Variants in DCC observed in about 807,000 individuals in gnomAD.
DCC encodes the protein DCC netrin 1 receptor.
DCC carries 58 observed loss-of-function variants against 172.5 expected under a neutral mutation model. The ratio of observed to expected loss-of-function variants is 0.34; its 90% CI spans 0.27 to 0.42. The LOEUF (loss-of-function observed/expected upper bound fraction) is 0.42, where lower values mean the gene tolerates loss of function less well. Among genes scored for constraint, DCC ranks in the 10% least tolerant of loss-of-function variants. The pLI is 1.00. For missense variants in DCC, 1,740 were observed against 1,791.0 expected, an observed-to-expected ratio of 0.97 and a Z score of 0.51; for synonymous variants, 709 against 644.5, an observed-to-expected ratio of 1.10 and a Z score of -1.52.
At chr18:52,412,030 A>G (rs1322663986) in intron 1 of DCC, among the ~76,000 whole-genome samples, 1 of 152,124 alleles carries the variant, frequency 6.6e-6, no homozygotes. Flanking sequence ...CAAATCCCAC[A>G]TCTTCCTTAA....
chr18:53,256,440 G>C (rs961768971), intron 12 of DCC, among the ~76,000 whole-genome samples: 32 of 152,088 alleles, frequency 2.1e-4, no homozygotes, highest in African/African-American at 7.5e-4. Flanking sequence ...TGGCCAGCCA[G>C]TTTTCCCAGC....
chr18:53,493,607 G>T (rs1226174486), intron 26 of DCC, among the ~76,000 whole-genome samples: 1 of 152,112 alleles, frequency 6.6e-6, no homozygotes, highest in Non-Finnish European at 1.5e-5. Flanking sequence ...GGGATCAGTG[G>T]TGATATCCCC....
intron 1 of DCC, among the ~76,000 whole-genome samples, chr18:52,566,204 T>C (rs1270739750): frequency 6.6e-6 from 1 of 152,138 alleles, no homozygotes; most frequent in Non-Finnish European, 1.5e-5. Flanking sequence ...GATGAGTCCA[T>C]GTCCTTTGCA....
chr18:52,947,338 G>A (rs1208676030), intron 5 of DCC, among the ~76,000 whole-genome samples: 1 of 152,058 alleles, frequency 6.6e-6, no homozygotes, highest in Non-Finnish European at 1.5e-5. Flanking sequence ...CTATATATTT[G>A]TACTAGTCAA....
chr18:52,543,395 G>A (rs979768781), intron 1 of DCC, among the ~76,000 whole-genome samples: 1 of 151,974 alleles, frequency 6.6e-6, no homozygotes, highest in Non-Finnish European at 1.5e-5. Flanking sequence ...TCTCAATTTG[G>A]GCTAGCAACA....
At chr18:53,330,744 A>G (rs1019295357) in intron 14 of DCC, among the ~76,000 whole-genome samples, 1 of 152,006 alleles carries the variant, frequency 6.6e-6, no homozygotes. Flanking sequence ...ACCCAAGTGT[A>G]TTTTCACATA....
intron 13 of DCC, among the ~76,000 whole-genome samples, chr18:53,309,686 A>T (rs1281896667): frequency 6.6e-6 from 1 of 152,116 alleles, no homozygotes; most frequent in Non-Finnish European, 1.5e-5. Flanking sequence ...CTGGTTTATT[A>T]TCATTCCAGC....
chr18:53,213,698 A>G (rs1035829431), intron 11 of DCC, among the ~76,000 whole-genome samples: 5 of 149,706 alleles, frequency 3.3e-5, no homozygotes, highest in African/African-American at 1.2e-4. Context: ...ATCACTTAAT[A>G]TTAAGACATT....
chr18:52,393,838 A>G (rs1489946857), intron 1 of DCC, among the ~76,000 whole-genome samples: 1 of 152,076 alleles, frequency 6.6e-6, no homozygotes, highest in Admixed American at 6.6e-5. Context: ...CCTAGATTCT[A>G]ATTTCCAGTC....
At chr18:52,496,396 A>T (rs2030751662) in intron 1 of DCC, among the ~76,000 whole-genome samples, 1 of 152,318 alleles carries the variant, frequency 6.6e-6, no homozygotes. Flanking sequence ...ACTTTTAAAA[A>T]TAGCATAGCT....
chr18:52,526,041 T>G (rs1036249249), intron 1 of DCC, among the ~76,000 whole-genome samples: 3 of 152,242 alleles, frequency 2.0e-5, no homozygotes, highest in Non-Finnish European at 4.4e-5. Context: ...TAACTTAAAT[T>G]TAGAATTCAA....
intron 12 of DCC, among the ~76,000 whole-genome samples, chr18:53,292,345 T>A (rs2057015343): frequency 6.6e-6 from 1 of 152,098 alleles, no homozygotes; most frequent in Admixed American, 6.6e-5. Flanking sequence ...GAAAAAGTGA[T>A]GTTTCTATGG....
chr18:53,076,875 G>T (rs1159398653), intron 7 of DCC, among the ~76,000 whole-genome samples: 1 of 152,136 alleles, frequency 6.6e-6, no homozygotes, highest in Non-Finnish European at 1.5e-5. Flanking sequence ...GGCAGCTTCT[G>T]GTGAGTAGCA....
chr18:52,923,746 C>T lies in DCC; in HGVS notation c.737C>T (p.Pro246Leu), dbSNP rs1374697407. 1.2e-6 allele frequency: 2 copies of T among 1,611,128 alleles called. No individual in the cohort carries two copies. The highest frequency in any genetic ancestry group is 4.5e-5 in the East Asian group (2 of 44,828). The part of the protein sequence containing the change: ...LHRQLYFLQR[P>L]SNVVAIEGKD... ...AGACAGCTGTATTTTCTGCAAAGAC[C>T]ATCCAATGTAGTAGCCATTGAAGGA... The change falls in exon 4 of 29, where the codon CCA (proline) becomes CTA (leucine). Residue 246 changes from proline (P) to leucine (L), a missense_variant. Pro to Leu is a moderately conservative substitution (Grantham distance 98). This residue lies in a region of DCC where 1,732 missense variants were observed against 1,767.4 expected (regional missense o/e 0.98). Coordinates refer to ENST00000442544, the MANE Select transcript of DCC (RefSeq NM_005215.4).
chr18:52,439,471 C>T (rs1987906314), intron 1 of DCC, among the ~76,000 whole-genome samples: 1 of 152,100 alleles, frequency 6.6e-6, no homozygotes, highest in African/African-American at 2.4e-5. Flanking sequence ...TGGACCATTG[C>T]TGACCTTGCC....
At chr18:53,033,753 A>G (rs2042056185) in intron 5 of DCC, among the ~76,000 whole-genome samples, 1 of 152,072 alleles carries the variant, frequency 6.6e-6, no homozygotes, top group Non-Finnish European at 1.5e-5. Flanking sequence ...TTCCTTTTAG[A>G]TATCACCTTA....
chr18:52,925,865 G>T (rs1372589736), intron 5 of DCC, among the ~76,000 whole-genome samples: 1 of 141,358 alleles, frequency 7.1e-6, no homozygotes, highest in Non-Finnish European at 1.6e-5. Context: ...AGGAAAAGTT[G>T]CATAGCAAGA....
chr18:53,103,681 G>C (rs1271361121), intron 7 of DCC, among the ~76,000 whole-genome samples: 2 of 152,042 alleles, frequency 1.3e-5, no homozygotes, highest in African/African-American at 4.8e-5. Flanking sequence ...TGAAACGCTT[G>C]ATCCTTTTAG....
intron 7 of DCC, among the ~76,000 whole-genome samples, chr18:53,120,169 T>C (rs1161801462): frequency 6.6e-6 from 1 of 151,864 alleles, no homozygotes; most frequent in South Asian, 2.1e-4. Context: ...GAGGTGTTTA[T>C]TACAATTCTG....
Sources: allele counts gnomAD v4.1 joint callset (sites outside exome capture counted in the v4.1 genomes callset), GRCh38; gene constraint gnomAD v4.1.1; regional missense constraint gnomAD v4.1.1; transcripts MANE v1.5; gene names NCBI Gene and HGNC (gene_info 2026-07-23, HGNC 2026-07-21).